The following PCDHA1 variants were observed in gnomAD, a reference collection of about 807,000 sequenced individuals.
PCDHA1 encodes protocadherin alpha 1.
Under a neutral mutation model 61.3 loss-of-function variants are expected in PCDHA1, and 42 were observed. The ratio of observed to expected loss-of-function variants is 0.69; its 90% CI spans 0.54 to 0.89. PCDHA1 has a LOEUF of 0.89. Among genes scored for constraint, PCDHA1 ranks in the 40% least tolerant of loss-of-function variants. The probability of loss-of-function intolerance (pLI) is 0.00; values close to 1 mark genes in which losing one functional copy is unlikely to be tolerated. For synonymous variants in PCDHA1, 610 were observed against 553.8 expected, an observed-to-expected ratio of 1.10 and a Z score of -1.43; for missense variants, 1,256 against 1,235.3, an observed-to-expected ratio of 1.02 and a Z score of -0.25.
Position 140,925,039 on chromosome 5 carries a change from A to C in PCDHA1, c.2395-53910A>C, listed in dbSNP as rs554229960. ...GATGGGAGGATCGCTTGAGCCCAGA[A>C]GTTTGAGACCAGACTGGGCAACAAA... On this transcript the variant is annotated intron_variant, in intron 1 of 3. Coordinates refer to ENST00000504120, the MANE Select transcript of PCDHA1 (RefSeq NM_018900.4). Among the ~76,000 whole-genome samples the C allele has an allele frequency of 1.1e-4, 16 of 152,028 alleles. 1 individual carries two copies. The highest frequency in any genetic ancestry group is 1.6e-4 in the Non-Finnish European group (11 of 67,960).
At chr5:140,883,021 G>A in intron 1 of PCDHA1, 1 of 1,614,136 alleles carries the variant, frequency 6.2e-7, no homozygotes, top group Non-Finnish European at 8.5e-7. Flanking sequence ...AAGTGACGGT[G>A]TTAGAGAACG....
At chr5:140,863,363 TG>T (rs1554158141) in intron 1 of PCDHA1, 2 of 1,206,158 alleles carry the variant, frequency 1.7e-6, no homozygotes, top group Non-Finnish European at 1.2e-6. Context: ...CTGCGGTGCT[TG>T]GCGCAGCTCA....
chr5:141,007,472 G>A (rs2098331789), intron 3 of PCDHA1, among the ~76,000 whole-genome samples: 1 of 151,844 alleles, frequency 6.6e-6, no homozygotes, highest in Non-Finnish European at 1.5e-5. Context: ...GGAGGCTGAG[G>A]CACGAGAATT....
At chr5:140,910,074 G>T (rs2074869064) in intron 1 of PCDHA1, among the ~76,000 whole-genome samples, 1 of 152,162 alleles carries the variant, frequency 6.6e-6, no homozygotes, top group South Asian at 2.1e-4. Context: ...AGCGTAAATT[G>T]TTGTCAAGGG....
rs1446596900 is a variant in PCDHA1 at position 140,900,305 on chromosome 5, C to T, written c.2395-78644C>T. On this transcript the variant is annotated intron_variant, in intron 1 of 3. Transcript: ENST00000504120. ...TTTCTTTTCTGTTTTTTTAGACAGTCTCACTTTTGTCGCCCAGGCTGGAGT... is the reference window on the plus strand; with the variant it reads ...TTTCTTTTCTGTTTTTTTAGACAGTTTCACTTTTGTCGCCCAGGCTGGAGT... Among the ~76,000 whole-genome samples the T allele has an allele frequency of 1.3e-4, 20 of 151,754 alleles. No homozygotes were observed. In the East Asian group the frequency reaches 3.9e-3, roughly 30 times the overall value.
chr5:140,981,185 T>C (rs2096921770), intron 2 of PCDHA1, among the ~76,000 whole-genome samples: 1 of 152,224 alleles, frequency 6.6e-6, no homozygotes. Flanking sequence ...TAGTTCAAGT[T>C]TGCCTGCTCT....
rs201271180 is a variant in PCDHA1, at chr5:140,836,512, T to A, written c.2394+47828T>A. 12 of 1,613,844 alleles carry A rather than the reference T, an allele frequency of 7.4e-6. No individual in the cohort carries two copies. The highest frequency in any genetic ancestry group is 1.0e-5 in the Non-Finnish European group (12 of 1,179,842). On this transcript the variant is annotated intron_variant, in intron 1 of 3. Coordinates refer to ENST00000504120, the MANE Select transcript of PCDHA1 (RefSeq NM_018900.4). ...ATCGCCATCTGCGCGGTGTCCAGTC[T>A]GTTGGTGCTTACCCTGCTGCTGTAC... is the stretch of plus-strand genomic sequence containing the variant.
At chr5:140,881,143 A>G (rs1554171794) in intron 1 of PCDHA1, among the ~76,000 whole-genome samples, 1 of 152,228 alleles carries the variant, frequency 6.6e-6, no homozygotes, top group Non-Finnish European at 1.5e-5. Flanking sequence ...AGTTATAACA[A>G]TAGATAAAAG....
chr5:140,997,123 A>T (rs1409528818), intron 3 of PCDHA1, among the ~76,000 whole-genome samples: 1 of 152,070 alleles, frequency 6.6e-6, no homozygotes, highest in African/African-American at 2.4e-5. Flanking sequence ...TCCCACATAC[A>T]CAATGCCCCC....
rs782808595 is a variant in PCDHA1 at position 140,787,409 on chromosome 5, C to T, written c.1119C>T (p.Thr373=). The change falls in exon 1 of 4, where the codon ACC becomes ACT. Residue 373 remains threonine (T), a synonymous_variant. Transcript: ENST00000504120. ...APLSTVIALI[T]VSDRDSGANG... The stretch of plus-strand genomic sequence containing the variant: ...TCAGCACCGTCATCGCCCTCATCAC[C>T]GTGTCTGACCGTGACTCAGGTGCCA... 8.1e-6 allele frequency: 13 copies of T among 1,614,128 alleles called. No homozygotes were observed. The highest frequency in any genetic ancestry group is 1.1e-5 in the Non-Finnish European group (13 of 1,180,046).
At position 140,788,007 on chromosome 5, in the gene PCDHA1, A is replaced by G. The variant is rs782387840; in HGVS notation, c.1717A>G (p.Thr573Ala). The G allele has an allele frequency of 5.6e-6, 9 of 1,613,856 alleles. No individual in the cohort carries two copies. The highest frequency in any genetic ancestry group is 5.3e-5 in the African/African-American group (4 of 74,934). Residue 573 changes from threonine to alanine, a missense_variant, in exon 1 of 4, where the codon ACT (threonine) becomes GCT (alanine). Coordinates refer to ENST00000504120, the MANE Select transcript of PCDHA1 (RefSeq NM_018900.4). ...GCTGCTGGCGCCTCGAGTGGGTGGC[A>G]CTATTGGTGCAGTCAGTGAGCTGGT... is the stretch of plus-strand genomic sequence containing the variant. The part of the protein sequence containing the change: ...PALLAPRVGG[T>A]IGAVSELVPR...
At chr5:141,009,450 A>G (rs1272306412) in intron 3 of PCDHA1, among the ~76,000 whole-genome samples, 177 bp from the exon 4 acceptor site, 1 of 152,250 alleles carries the variant, frequency 6.6e-6, no homozygotes, top group Non-Finnish European at 1.5e-5. Context: ...TCTCAAAAAA[A>G]TTAAACAAAT....
intron 1 of PCDHA1, chr5:140,969,096 A>T: frequency 6.2e-7 from 1 of 1,614,162 alleles, no homozygotes; most frequent in Non-Finnish European, 8.5e-7. Flanking sequence ...GTGCAGCCTC[A>T]CTTCATTGAA....
Position 140,786,815 on chromosome 5 carries a change from T to G in PCDHA1, c.525T>G (p.Ser175Arg), listed in dbSNP as rs1189885259. 1.2e-6 allele frequency: 2 copies of G among 1,614,030 alleles called. No individual in the cohort carries two copies. Among genetic ancestry groups the G allele is most frequent in the Admixed American group, 3.3e-5 (2 of 60,008 alleles). ...TTCTAACGTACACGCTCAGCCCGAGTGATTATTTCTCTTTGGATGTAGAGG... is the reference window on the plus strand; with the variant it reads ...TTCTAACGTACACGCTCAGCCCGAGGGATTATTTCTCTTTGGATGTAGAGG... Reference protein sequence around the residue: ...NALLTYTLSPSDYFSLDVEAS... With the variant: ...NALLTYTLSPRDYFSLDVEAS... Residue 175 changes from serine to arginine, a missense_variant, in exon 1 of 4, where the codon AGT becomes AGG. Coordinates refer to ENST00000504120, the MANE Select transcript of PCDHA1 (RefSeq NM_018900.4).
Position 140,835,536 on chromosome 5 carries a change from G to C in PCDHA1, c.2394+46852G>C, listed in dbSNP as rs1220164308. 1.9e-6 allele frequency: 3 copies of C among 1,613,822 alleles called. 1 individual carries two copies. Among genetic ancestry groups the C allele is most frequent in the East Asian group, 4.5e-5 (2 of 44,840 alleles). ...CCGAGATTTTGGAGTCAACGGACAG[G>C]TTACCTGCTCCCTGACGCCCCGCGT... On this transcript the variant is annotated intron_variant, in intron 1 of 3. Coordinates refer to ENST00000504120, the MANE Select transcript of PCDHA1 (RefSeq NM_018900.4).
chr5:140,841,503 C>T (rs2150316766), intron 1 of PCDHA1: 3 of 1,613,300 alleles, frequency 1.9e-6, no homozygotes, highest in African/African-American at 1.3e-5. Context: ...GAGCTGGTGC[C>T]GCGCCTGTTC....
chr5:140,940,825 G>A (rs782539336), intron 1 of PCDHA1, among the ~76,000 whole-genome samples: 53 of 152,232 alleles, frequency 3.5e-4, no homozygotes, highest in South Asian at 6.2e-4. Context: ...ATCTTGGATG[G>A]AAATACCTTT....
intron 3 of PCDHA1, among the ~76,000 whole-genome samples, chr5:140,996,371 C>G (rs1183587138): frequency 6.6e-6 from 1 of 152,126 alleles, no homozygotes; most frequent in Admixed American, 6.6e-5. Context: ...ATTTTGTTGT[C>G]GGCTGAAATA....
intron 1 of PCDHA1, among the ~76,000 whole-genome samples, chr5:140,956,940 T>G (rs1446313251): frequency 6.7e-6 from 1 of 150,168 alleles, no homozygotes; most frequent in Non-Finnish European, 1.5e-5. Flanking sequence ...AGGATAAAAT[T>G]TACATTAAAA....
Sources: allele counts gnomAD v4.1 joint callset (sites outside exome capture counted in the v4.1 genomes callset), GRCh38; gene constraint gnomAD v4.1.1; transcripts MANE v1.5; gene names NCBI Gene and HGNC (gene_info 2026-07-23, HGNC 2026-07-21).